MAP2K6: variants seen among roughly 807,000 people sequenced by gnomAD.
MAP2K6 encodes the protein mitogen-activated protein kinase kinase 6.
In MAP2K6, 16 loss-of-function variants were observed where a neutral mutation model predicts 53.7. The ratio of observed to expected loss-of-function variants is 0.30; its 90% CI spans 0.20 to 0.45. The LOEUF is 0.45. Ranked by LOEUF, MAP2K6 falls within the 20% of genes least tolerant of loss-of-function variation. The pLI is 1.00. For missense variants in MAP2K6, 204 were observed against 411.9 expected, an observed-to-expected ratio of 0.50 and a Z score of 4.37; for synonymous variants, 132 against 143.1, an observed-to-expected ratio of 0.92 and a Z score of 0.55.
intron 1 of MAP2K6, among the ~76,000 whole-genome samples, chr17:69,430,517 C>G (rs533047253): frequency 6.6e-6 from 1 of 152,302 alleles, no homozygotes; most frequent in East Asian, 1.9e-4. Context: ...CAGCAGCAAT[C>G]TTTGTTCATC....
At chr17:69,461,707 G>A (rs1457387924) in intron 1 of MAP2K6, among the ~76,000 whole-genome samples, 1 of 152,134 alleles carries the variant, frequency 6.6e-6, no homozygotes, top group Non-Finnish European at 1.5e-5. Flanking sequence ...CCTTGCTCAC[G>A]GAGGTCATCT....
chr17:69,489,484 C>T (rs1054577662), intron 1 of MAP2K6, among the ~76,000 whole-genome samples: 3 of 152,216 alleles, frequency 2.0e-5, no homozygotes, highest in Non-Finnish European at 4.4e-5. Context: ...CCTAAGACTA[C>T]AGAACTCCAC....
intron 1 of MAP2K6, among the ~76,000 whole-genome samples, chr17:69,471,816 A>G (rs2716225): frequency 0.52 from 79,278 of 152,102 alleles, 21,321 homozygotes; most frequent in East Asian, 0.85. Context: ...GAGAGAAAAG[A>G]TTATGGTTCA....
At chr17:69,526,534 TG>T in intron 9 of MAP2K6, 35 bp from the exon 10 acceptor site, 1 of 1,606,384 alleles carries the variant, frequency 6.2e-7, no homozygotes, top group South Asian at 1.1e-5. Flanking sequence ...GCAGCCCTGT[TG>T]AAACTGTTGT....
chr17:69,425,796 T>C (rs1906256263), intron 1 of MAP2K6, among the ~76,000 whole-genome samples: 1 of 152,166 alleles, frequency 6.6e-6, no homozygotes, highest in Admixed American at 6.6e-5. Context: ...TGAGAGGAGA[T>C]AGCTGTAAGC....
intron 1 of MAP2K6, among the ~76,000 whole-genome samples, chr17:69,497,640 G>A (rs1908999855): frequency 6.6e-6 from 1 of 151,386 alleles, no homozygotes; most frequent in South Asian, 2.1e-4. Context: ...TTTGATCTCT[G>A]ACTCCAACTT....
At chr17:69,516,475 A>C (rs1331583021) in intron 2 of MAP2K6, among the ~76,000 whole-genome samples, 1 of 152,152 alleles carries the variant, frequency 6.6e-6, no homozygotes, top group Non-Finnish European at 1.5e-5. Context: ...GTATTAGTCC[A>C]TGGCTTGGGG....
chr17:69,415,722 T>C (rs944991445), intron 1 of MAP2K6, among the ~76,000 whole-genome samples: 1 of 152,148 alleles, frequency 6.6e-6, no homozygotes, highest in African/African-American at 2.4e-5. Flanking sequence ...GGGGAAAATA[T>C]TGGGGGTAAA....
intron 2 of MAP2K6, among the ~76,000 whole-genome samples, chr17:69,516,442 C>G (rs1427774681): frequency 3.9e-5 from 6 of 152,120 alleles, no homozygotes; most frequent in African/African-American, 1.4e-4. Context: ...CTCCTTCACC[C>G]ACCACTCATC....
intron 11 of MAP2K6, among the ~76,000 whole-genome samples, chr17:69,540,994 T>C (rs1911590593): frequency 6.6e-6 from 1 of 152,220 alleles, no homozygotes; most frequent in Non-Finnish European, 1.5e-5. Flanking sequence ...CCGGGCATGG[T>C]GGCACACGCC....
chr17:69,523,759 G>T, intron 8 of MAP2K6, 118 bp downstream of exon 8: 2 of 1,274,888 alleles, frequency 1.6e-6, no homozygotes, highest in Non-Finnish European at 1.1e-6. Context: ...TCCAGAAGTA[G>T]TCTGCCTCTT....
At position 69,496,939 on chromosome 17, in the gene MAP2K6, G is replaced by A. The variant is rs1216136899; in HGVS notation, c.17-8841G>A. Among the ~76,000 whole-genome samples the A allele has an allele frequency of 4.6e-5, 7 of 152,182 alleles. No homozygotes were observed. In the East Asian group the frequency reaches 9.7e-4, roughly 21 times the overall value. On this transcript the variant is annotated intron_variant, in intron 1 of 11. Coordinates refer to ENST00000590474, the MANE Select transcript of MAP2K6 (RefSeq NM_002758.4). ...TTTGGGGGTGGAAAAGCCAGATGAC[G>A]AGTATCATTTTTATTACCACTACTA... is the stretch of plus-strand genomic sequence containing the variant.
chr17:69,505,705 CT>C (rs748460983), intron 1 of MAP2K6, 74 bp from the exon 2 acceptor site: 1 of 1,215,316 alleles, frequency 8.2e-7, no homozygotes, highest in South Asian at 1.2e-5. Flanking sequence ...CAGCTCTTTC[CT>C]TTGCCGCAGT....
intron 10 of MAP2K6, among the ~76,000 whole-genome samples, chr17:69,529,620 C>T (rs1004378728): frequency 2.0e-5 from 3 of 150,390 alleles, no homozygotes; most frequent in African/African-American, 4.9e-5. Flanking sequence ...ACGCCATTCT[C>T]CTGCCTCAGC....
chr17:69,505,740 G>A lies in MAP2K6; in HGVS notation c.17-40G>A, dbSNP rs140090016. ...GTCTCTTTCTCTGCTATCTTGCTAT[G>A]ATTTAGTCCTTAACTTTTTCCTTTT... On this transcript the variant is annotated intron_variant, in intron 1 of 11. Transcript: ENST00000590474. 5.2e-4 allele frequency: 799 copies of A among 1,521,946 alleles called. 1 individual carries two copies. In the African/African-American group the frequency reaches 9.3e-3, roughly 18 times the overall value. The allele number at this position is 1,521,946 out of a possible 1,614,324, so 94.3% of individuals were successfully genotyped here. A position where few individuals can be genotyped will look rare whatever the true frequency, so the allele number is the denominator to read the frequency against.
intron 1 of MAP2K6, among the ~76,000 whole-genome samples, chr17:69,419,379 A>T (rs913102760): frequency 6.6e-6 from 1 of 152,222 alleles, no homozygotes; most frequent in Non-Finnish European, 1.5e-5. Flanking sequence ...ATTTCTACCA[A>T]TAATATTTAG....
In MAP2K6 at chr17:69,502,705, G is replaced by T. The variant is rs541389739; in HGVS notation, c.17-3075G>T. The T allele has an allele frequency of 1.3e-4, 126 of 985,482 alleles. 1 individual carries two copies. In the South Asian group the frequency reaches 5.5e-3, roughly 43 times the overall value. 61.0% of individuals were successfully genotyped at this position (985,482 alleles called of 1,614,324 possible). A position where few individuals can be genotyped will look rare whatever the true frequency, so the allele number is the denominator to read the frequency against. On this transcript the variant is annotated intron_variant, in intron 1 of 11. Transcript: ENST00000590474. ...TTCAGGGTAAGAATGATGTTGATGT[G>T]GGGGGCTGTGGGGGTGGCTGGGTGT...
intron 2 of MAP2K6, among the ~76,000 whole-genome samples, chr17:69,509,320 G>T (rs1181154738): frequency 6.6e-6 from 1 of 152,024 alleles, no homozygotes; most frequent in African/African-American, 2.4e-5. Flanking sequence ...ATTAGATTTT[G>T]TTAAAATTTA....
chr17:69,456,256 G>A (rs969192439), intron 1 of MAP2K6, among the ~76,000 whole-genome samples: 3 of 152,182 alleles, frequency 2.0e-5, no homozygotes, highest in South Asian at 4.1e-4. Flanking sequence ...GCTGTGGCTG[G>A]TCTGGAGCGG....
Sources: allele counts gnomAD v4.1 joint callset (sites outside exome capture counted in the v4.1 genomes callset), GRCh38; gene constraint gnomAD v4.1.1; transcripts MANE v1.5; gene names NCBI Gene and HGNC (gene_info 2026-07-23, HGNC 2026-07-21).